Variants in DPP10 observed in about 807,000 individuals in gnomAD.
The protein encoded by DPP10 is dipeptidyl peptidase like 10, also known as inactive dipeptidyl peptidase 10.
Under a neutral mutation model 120.9 loss-of-function variants are expected in DPP10, and 33 were observed. The ratio of observed to expected loss-of-function variants is 0.27; its 90% CI spans 0.21 to 0.37. The LOEUF is 0.37. DPP10 is among the 10% of genes least tolerant of loss of function. The pLI is 1.00. For missense variants in DPP10, 816 were observed against 942.8 expected, an observed-to-expected ratio of 0.87 and a Z score of 1.76; for synonymous variants, 337 against 326.1, an observed-to-expected ratio of 1.03 and a Z score of -0.36.
chr2:115,300,940 C>G (rs2061098386), intron 1 of DPP10, among the ~76,000 whole-genome samples: 2 of 151,916 alleles, frequency 1.3e-5, no homozygotes, highest in African/African-American at 4.8e-5. Context: ...TCTGAAAAAT[C>G]AGACACTTCT....
chr2:114,807,461 T>C (rs890077305), intron 1 of DPP10, among the ~76,000 whole-genome samples: 4 of 152,190 alleles, frequency 2.6e-5, no homozygotes, highest in African/African-American at 9.6e-5. Context: ...ATTTTTTAAC[T>C]ATAATTTCCC....
chr2:115,015,045 CAAA>C (rs57043547), intron 1 of DPP10, among the ~76,000 whole-genome samples: 3 of 151,996 alleles, frequency 2.0e-5, no homozygotes, highest in Admixed American at 6.6e-5. Context: ...AGAGAAACAA[CAAA>C]AAAAGAAAAT....
At chr2:115,560,056 C>T (rs1333146379) in intron 5 of DPP10, among the ~76,000 whole-genome samples, 1 of 151,618 alleles carries the variant, frequency 6.6e-6, no homozygotes, top group Non-Finnish European at 1.5e-5. Flanking sequence ...GACTTGAGGT[C>T]GCCGTTCAAA....
At chr2:115,558,760 C>T (rs562726060) in intron 5 of DPP10, among the ~76,000 whole-genome samples, 3 of 152,234 alleles carry the variant, frequency 2.0e-5, no homozygotes, top group Non-Finnish European at 4.4e-5. Context: ...TATTATACAA[C>T]TGAGGCATCA....
intron 5 of DPP10, among the ~76,000 whole-genome samples, chr2:115,668,532 G>A (rs1181382181): frequency 6.6e-6 from 1 of 152,106 alleles, no homozygotes; most frequent in African/African-American, 2.4e-5. Context: ...TATCCAGGCT[G>A]TGGTACCCTA....
At chr2:114,993,585 TA>T (rs1346639501) in intron 1 of DPP10, among the ~76,000 whole-genome samples, 1 of 135,092 alleles carries the variant, frequency 7.4e-6, no homozygotes, top group Non-Finnish European at 1.5e-5. Flanking sequence ...TGTGTGTATA[TA>T]TATATATATA....
At chr2:114,471,462 T>C (rs575626616) in intron 1 of DPP10, among the ~76,000 whole-genome samples, 2 of 152,304 alleles carry the variant, frequency 1.3e-5, no homozygotes, top group South Asian at 2.1e-4. Flanking sequence ...CCCATCTCCT[T>C]AGAATTTTGC....
chr2:114,958,713 C>T (rs1399497561), intron 1 of DPP10, among the ~76,000 whole-genome samples: 2 of 152,006 alleles, frequency 1.3e-5, no homozygotes, highest in South Asian at 2.1e-4. Context: ...TGGTGTCATA[C>T]ATTACTTTTG....
rs3981150 is a variant in DPP10 at position 114,967,782 on chromosome 2, ACATTAT to A, written c.61-341432_61-341427del. 9.2e-3 allele frequency among the ~76,000 whole-genome samples: 1,399 copies of A among 151,900 alleles called. 10 individuals are homozygous for A. The highest frequency in any genetic ancestry group is 0.016 in the Non-Finnish European group (1,065 of 67,996). On this transcript the variant is annotated intron_variant, in intron 1 of 25. Transcript: ENST00000410059. ...ATCCTTATCGCCTCTGCCTTATTTA[ACATTAT>A]CATTATCATTATCATTATCATTATT...
intron 1 of DPP10, among the ~76,000 whole-genome samples, chr2:115,305,565 T>C (rs1559394805): frequency 6.6e-6 from 1 of 151,816 alleles, no homozygotes; most frequent in East Asian, 1.9e-4. Flanking sequence ...GACCTCGTCT[T>C]TACAAAAAAT....
chr2:115,502,810 C>T (rs770504335), intron 4 of DPP10, among the ~76,000 whole-genome samples: 29 of 152,078 alleles, frequency 1.9e-4, no homozygotes, highest in Non-Finnish European at 3.7e-4. Flanking sequence ...CCTTCTGCCT[C>T]AGCCTCCTGA....
chr2:115,586,689 T>A (rs1299777362), intron 5 of DPP10, among the ~76,000 whole-genome samples: 1 of 151,950 alleles, frequency 6.6e-6, no homozygotes, highest in African/African-American at 2.4e-5. Flanking sequence ...TTTTTGTTTT[T>A]GTTTTTTTTC....
At chr2:114,630,023 G>A (rs369030428) in intron 1 of DPP10, among the ~76,000 whole-genome samples, 3 of 152,104 alleles carry the variant, frequency 2.0e-5, no homozygotes, top group African/African-American at 2.4e-5. Context: ...ATGTATGTAC[G>A]TATGTGTACA....
intron 2 of DPP10, 66 bp downstream of exon 2, chr2:115,309,419 C>G: frequency 6.8e-7 from 1 of 1,477,330 alleles, no homozygotes. Context: ...CATTCAAATG[C>G]CTTAAGAGGG....
At chr2:115,259,484 C>CAAAA (rs563035188) in intron 1 of DPP10, among the ~76,000 whole-genome samples, 1 of 107,578 alleles carries the variant, frequency 9.3e-6, no homozygotes, top group Admixed American at 9.9e-5. Flanking sequence ...AACTTCATCT[C>CAAAA]AAAAAAAAAA....
chr2:114,633,122 A>G (rs1275202836), intron 1 of DPP10, among the ~76,000 whole-genome samples: 2 of 149,998 alleles, frequency 1.3e-5, no homozygotes, highest in Non-Finnish European at 2.9e-5. Flanking sequence ...AAGTCTTTTT[A>G]GTGGGCAGAA....
chr2:114,744,983 A>G (rs1240149943), intron 1 of DPP10, among the ~76,000 whole-genome samples: 1 of 152,000 alleles, frequency 6.6e-6, no homozygotes, highest in Non-Finnish European at 1.5e-5. Context: ...GCTGGTCTCG[A>G]ACTCCTGACC....
At chr2:115,705,424 C>T (rs1352361285) in intron 7 of DPP10, among the ~76,000 whole-genome samples, 2 of 151,892 alleles carry the variant, frequency 1.3e-5, no homozygotes, top group East Asian at 1.9e-4. Flanking sequence ...CATTCACACA[C>T]GTTACTGCTG....
chr2:114,822,581 ATT>A (rs1329785985), intron 1 of DPP10, among the ~76,000 whole-genome samples: 1 of 150,764 alleles, frequency 6.6e-6, no homozygotes, highest in Non-Finnish European at 1.5e-5. Flanking sequence ...TTGCTTTTGT[ATT>A]GCATTGCCAG....
Sources: allele counts gnomAD v4.1 joint callset (sites outside exome capture counted in the v4.1 genomes callset), GRCh38; gene constraint gnomAD v4.1.1; transcripts MANE v1.5; gene names NCBI Gene and HGNC (gene_info 2026-07-23, HGNC 2026-07-21).